The following NTM variants were observed in gnomAD, a reference collection of about 807,000 sequenced individuals.
NTM encodes IgLON family member 2.
A neutral mutation model predicts 42.1 loss-of-function variants in NTM; 13 were observed. The observed-to-expected ratio is 0.31, with a 90% CI of 0.20 to 0.49. The LOEUF (loss-of-function observed/expected upper bound fraction) is 0.49, where lower values mean the gene tolerates loss of function less well. Ranked by LOEUF, NTM falls within the 20% of genes least tolerant of loss-of-function variation. The pLI is 0.99. For synonymous variants in NTM, 187 were observed against 179.2 expected, an observed-to-expected ratio of 1.04 and a Z score of -0.35; for missense variants, 373 against 452.8, an observed-to-expected ratio of 0.82 and a Z score of 1.60.
At chr11:131,809,666 G>T (rs2092657728) in intron 1 of NTM, among the ~76,000 whole-genome samples, 2 of 152,058 alleles carry the variant, frequency 1.3e-5, no homozygotes, top group African/African-American at 4.8e-5. Context: ...CTCCTTTTTG[G>T]AGAACTCTTC....
chr11:131,431,596 C>T (rs1395864491), intron 1 of NTM, among the ~76,000 whole-genome samples: 1 of 152,196 alleles, frequency 6.6e-6, no homozygotes, highest in Non-Finnish European at 1.5e-5. Flanking sequence ...CTCTCGTGCT[C>T]ATGAGCCATC....
At chr11:131,630,235 G>C (rs764389077) in intron 1 of NTM, among the ~76,000 whole-genome samples, 2 of 152,128 alleles carry the variant, frequency 1.3e-5, no homozygotes, top group Admixed American at 6.5e-5. Flanking sequence ...AGCAATCTCT[G>C]CCTTGGATCA....
intron 3 of NTM, among the ~76,000 whole-genome samples, chr11:132,195,730 G>C (rs549463719): frequency 2.0e-5 from 3 of 152,290 alleles, no homozygotes; most frequent in Admixed American, 2.0e-4. Context: ...TCAATAGATG[G>C]TGCAAGATAA....
At chr11:131,419,752 G>T (rs914791215) in intron 1 of NTM, among the ~76,000 whole-genome samples, 8 of 152,158 alleles carry the variant, frequency 5.3e-5, no homozygotes, top group African/African-American at 1.9e-4. Flanking sequence ...GAGGTATAAA[G>T]GATTCTTTGA....
intron 2 of NTM, among the ~76,000 whole-genome samples, chr11:132,041,727 C>T (rs980201449): frequency 6.6e-6 from 1 of 152,080 alleles, no homozygotes; most frequent in African/African-American, 2.4e-5. Context: ...AGTTGCTGGG[C>T]AGTCCTGAAT....
chr11:132,084,996 CT>C (rs1462895081), intron 2 of NTM, among the ~76,000 whole-genome samples: 2 of 152,164 alleles, frequency 1.3e-5, no homozygotes, highest in African/African-American at 4.8e-5. Context: ...GGATTAGTGC[CT>C]TAAGAAAACC....
chr11:131,889,533 TA>T lies in NTM; in HGVS notation c.83-22022del, dbSNP rs546556194. ...TTTGACGGCCCAGTGTGTGGGCCTT[TA>T]AAAAAAAATACATTAGAAGGTCCTC... On this transcript the variant is annotated intron_variant, in intron 1 of 8. Transcript: ENST00000683400. 7.6e-3 allele frequency among the ~76,000 whole-genome samples: 1,156 copies of T among 151,648 alleles called. 14 individuals carry two copies. The highest frequency in any genetic ancestry group is 0.027 in the African/African-American group (1,100 of 41,390).
chr11:132,163,097 T>A (rs2074668453), intron 3 of NTM, among the ~76,000 whole-genome samples: 1 of 152,202 alleles, frequency 6.6e-6, no homozygotes, highest in South Asian at 2.1e-4. Flanking sequence ...GGAAGGAGCG[T>A]CTGCAGAGAG....
intron 1 of NTM, among the ~76,000 whole-genome samples, chr11:131,812,996 T>C (rs2092801401): frequency 6.6e-6 from 1 of 152,192 alleles, no homozygotes; most frequent in Admixed American, 6.5e-5. Flanking sequence ...TTGGTTTTTA[T>C]GACAACGTTT....
intron 2 of NTM, chr11:131,984,460 T>C (rs957060969): frequency 6.6e-6 from 1 of 152,270 alleles, no homozygotes; most frequent in Non-Finnish European, 1.5e-5. Context: ...TCTGATTCTG[T>C]TCTCCAGGAG....
At chr11:131,527,339 A>C (rs949035322) in intron 1 of NTM, among the ~76,000 whole-genome samples, 5 of 151,866 alleles carry the variant, frequency 3.3e-5, no homozygotes, top group Non-Finnish European at 7.4e-5. Context: ...TTCTCCCCTT[A>C]CTTCATCTCT....
At chr11:132,246,600 A>C (rs1429233744) in intron 4 of NTM, among the ~76,000 whole-genome samples, 1 of 152,190 alleles carries the variant, frequency 6.6e-6, no homozygotes, top group Non-Finnish European at 1.5e-5. Context: ...TATTCAAATA[A>C]TTTTGTGTTT....
intron 1 of NTM, among the ~76,000 whole-genome samples, chr11:131,442,779 G>GTT (rs1272893825): frequency 6.6e-6 from 1 of 151,532 alleles, no homozygotes; most frequent in African/African-American, 2.4e-5. Flanking sequence ...ATAGTATTCC[G>GTT]TTATATATAT....
At chr11:131,724,011 G>A (rs1002455085) in intron 1 of NTM, among the ~76,000 whole-genome samples, 5 of 152,290 alleles carry the variant, frequency 3.3e-5, no homozygotes, top group Middle Eastern at 3.4e-3. Context: ...CCAGTTTACC[G>A]TTCCTTTTCA....
intron 1 of NTM, among the ~76,000 whole-genome samples, chr11:131,409,271 G>A (rs1946121354): frequency 6.6e-6 from 1 of 152,244 alleles, no homozygotes; most frequent in South Asian, 2.1e-4. Context: ...GTGTATAATG[G>A]AGATTGAGAA....
chr11:131,605,913 C>T, intron 1 of NTM: 1 of 978,182 alleles, frequency 1.0e-6, no homozygotes, highest in Non-Finnish European at 1.2e-6. Context: ...CAATTCTGTG[C>T]TTTCTCTTTT....
intron 4 of NTM, among the ~76,000 whole-genome samples, chr11:132,303,334 C>A (rs1477014853): frequency 2.0e-5 from 3 of 152,216 alleles, no homozygotes; most frequent in African/African-American, 7.2e-5. Flanking sequence ...TCCCTCGCCT[C>A]TCCTGGCTTC....
chr11:131,576,747 C>T (rs891261913), intron 1 of NTM, among the ~76,000 whole-genome samples: 1 of 152,174 alleles, frequency 6.6e-6, no homozygotes, highest in Non-Finnish European at 1.5e-5. Context: ...AAGATGATCC[C>T]TGACGTAAAT....
chr11:131,969,814 A>AT (rs2063307161), intron 2 of NTM, among the ~76,000 whole-genome samples: 1 of 152,018 alleles, frequency 6.6e-6, no homozygotes, highest in Non-Finnish European at 1.5e-5. Flanking sequence ...GCGATGATAA[A>AT]TTTTTTTATT....
Sources: allele counts gnomAD v4.1 joint callset (sites outside exome capture counted in the v4.1 genomes callset), GRCh38; gene constraint gnomAD v4.1.1; transcripts MANE v1.5; gene names NCBI Gene and HGNC (gene_info 2026-07-23, HGNC 2026-07-21).